EPHB2: variants seen among roughly 807,000 people sequenced by gnomAD.
EPHB2 encodes the protein EPH receptor B2.
EPHB2 carries 18 observed loss-of-function variants against 96.4 expected under a neutral mutation model. The ratio of observed to expected loss-of-function variants is 0.19; its 90% confidence interval spans 0.13 to 0.28. EPHB2 has a LOEUF of 0.28. Among genes scored for constraint, EPHB2 ranks in the 10% least tolerant of loss-of-function variants. EPHB2 has a pLI of 1.00. For synonymous variants in EPHB2, 506 were observed against 534.1 expected (o/e 0.95, Z 0.72); for missense variants, 989 against 1,355.4 (o/e 0.73, Z 4.25).
At chr1:22,713,152 T>C (rs1357330204) in intron 1 of EPHB2, among the ~76,000 whole-genome samples, 2 of 151,822 alleles carry the variant, frequency 1.3e-5, no homozygotes, top group African/African-American at 4.8e-5. Flanking sequence ...CACAGCAGGG[T>C]GGGAGGAGGG....
chr1:22,741,380 G>T (rs989237443), intron 1 of EPHB2, among the ~76,000 whole-genome samples: 1 of 151,856 alleles, frequency 6.6e-6, no homozygotes, highest in African/African-American at 2.4e-5. Context: ...CTCCCCTGAC[G>T]ACACCTGGCT....
chr1:22,738,256 T>C (rs1377852190), intron 1 of EPHB2, among the ~76,000 whole-genome samples: 1 of 152,236 alleles, frequency 6.6e-6, no homozygotes, highest in Non-Finnish European at 1.5e-5. Context: ...TTCTTGTTCC[T>C]TTGTATTCCT....
At chr1:22,769,127 T>C (rs1644345407) in intron 1 of EPHB2, among the ~76,000 whole-genome samples, 1 of 152,166 alleles carries the variant, frequency 6.6e-6, no homozygotes, top group Admixed American at 6.5e-5. Flanking sequence ...GCCCCAGCCA[T>C]GTCCATATCC....
intron 1 of EPHB2, among the ~76,000 whole-genome samples, chr1:22,751,785 TC>T (rs1226856881): frequency 6.6e-6 from 1 of 152,228 alleles, no homozygotes; most frequent in Non-Finnish European, 1.5e-5. Context: ...GGGAATGATG[TC>T]AGCTCCTTCT....
At chr1:22,884,917 C>T (rs1242998996) in intron 6 of EPHB2, among the ~76,000 whole-genome samples, 1 of 152,162 alleles carries the variant, frequency 6.6e-6, no homozygotes, top group Non-Finnish European at 1.5e-5. Context: ...TATTTACTAC[C>T]TCTACATTGA....
intron 3 of EPHB2, among the ~76,000 whole-genome samples, chr1:22,796,148 T>G (rs1174537226): frequency 6.6e-6 from 1 of 152,174 alleles, no homozygotes; most frequent in African/African-American, 2.4e-5. Context: ...AGCTGCTCTT[T>G]TGGACCCCAC....
chr1:22,906,244 G>C lies in EPHB2; in HGVS notation c.1888+135G>C. ...GGACCCCCCAAGGCCTGAAGGTTCAGAATGACCATGAAAGAAGGGCCCTCA... is the reference window on the plus strand; with the variant it reads ...GGACCCCCCAAGGCCTGAAGGTTCACAATGACCATGAAAGAAGGGCCCTCA... On this transcript the variant is annotated intron_variant, in intron 10 of 15. Coordinates refer to ENST00000374630, the MANE Select transcript of EPHB2 (RefSeq NM_017449.5). The surrounding 1 kb of genome is among the most constrained non-coding windows in gnomAD (Gnocchi z 4.8). 1 of 1,381,364 alleles carries C rather than the reference G, an allele frequency of 7.2e-7. No individual in the cohort carries two copies. Among genetic ancestry groups the C allele is most frequent in the Non-Finnish European group, 1.0e-6 (1 of 1,003,340 alleles). 85.6% of individuals were successfully genotyped at this position (1,381,364 alleles called of 1,614,324 possible). A position where few individuals can be genotyped will look rare whatever the true frequency, so the allele number is the denominator to read the frequency against.
At chr1:22,815,599 A>C (rs1645064506) in intron 3 of EPHB2, among the ~76,000 whole-genome samples, 1 of 152,254 alleles carries the variant, frequency 6.6e-6, no homozygotes, top group Non-Finnish European at 1.5e-5. Context: ...CTTGGCTCTC[A>C]ATTTTGGTCC....
chr1:22,718,544 G>A (rs925754124), intron 1 of EPHB2, among the ~76,000 whole-genome samples: 7 of 151,858 alleles, frequency 4.6e-5, no homozygotes, highest in Non-Finnish European at 1.0e-4. Flanking sequence ...CTGCCACCAT[G>A]CCCGGCTAAT....
chr1:22,714,932 G>A (rs1340599456), intron 1 of EPHB2, among the ~76,000 whole-genome samples: 1 of 152,126 alleles, frequency 6.6e-6, no homozygotes, highest in Non-Finnish European at 1.5e-5. Context: ...CTGCTTTGTT[G>A]TGCTTCATGA....
chr1:22,749,053 C>T (rs1406181804), intron 1 of EPHB2, among the ~76,000 whole-genome samples: 1 of 150,206 alleles, frequency 6.7e-6, no homozygotes, highest in African/African-American at 2.5e-5. Flanking sequence ...TGGAGTTTCA[C>T]TCTGTTGCCC....
intron 3 of EPHB2, among the ~76,000 whole-genome samples, chr1:22,823,733 G>A (rs1309414089): frequency 6.6e-6 from 1 of 152,226 alleles, no homozygotes; most frequent in Admixed American, 6.5e-5. Flanking sequence ...TCTATAAAAT[G>A]GGAACAAAAG....
chr1:22,896,708 T>C (rs1297891243), intron 9 of EPHB2, among the ~76,000 whole-genome samples: 1 of 152,092 alleles, frequency 6.6e-6, no homozygotes, highest in East Asian at 1.9e-4. Context: ...TACTCATCCC[T>C]CAGGCCTCAC....
chr1:22,753,238 C>T (rs1458308463), intron 1 of EPHB2, among the ~76,000 whole-genome samples: 1 of 152,196 alleles, frequency 6.6e-6, no homozygotes, highest in Non-Finnish European at 1.5e-5. Flanking sequence ...CTGTGTGACC[C>T]TGGGCAAGTT....
At chr1:22,853,090 C>G (rs1645647094) in intron 3 of EPHB2, among the ~76,000 whole-genome samples, 1 of 152,222 alleles carries the variant, frequency 6.6e-6, no homozygotes, top group South Asian at 2.1e-4. Context: ...GTGGCTCATG[C>G]CTGTAATCCC....
chr1:22,764,651 C>T (rs1644281736), intron 1 of EPHB2, among the ~76,000 whole-genome samples: 1 of 151,846 alleles, frequency 6.6e-6, no homozygotes, highest in African/African-American at 2.4e-5. Context: ...GAGGCTGAGG[C>T]AGGAGAATCT....
intron 5 of EPHB2, among the ~76,000 whole-genome samples, chr1:22,868,848 C>A (rs1383456192): frequency 6.6e-6 from 1 of 152,164 alleles, no homozygotes; most frequent in Non-Finnish European, 1.5e-5. Flanking sequence ...AAAATCACTT[C>A]CTCTGAGGCC....
At chr1:22,794,888 G>T (rs1644745325) in intron 3 of EPHB2, among the ~76,000 whole-genome samples, 1 of 152,198 alleles carries the variant, frequency 6.6e-6, no homozygotes, top group Non-Finnish European at 1.5e-5. Context: ...TTTTCATCTG[G>T]CTGGGCTTTA....
chr1:22,818,250 C>T (rs1311839122), intron 3 of EPHB2, among the ~76,000 whole-genome samples: 1 of 152,122 alleles, frequency 6.6e-6, no homozygotes, highest in African/African-American at 2.4e-5. Context: ...CCAGTCCCAC[C>T]CCGAGTCATC....
Sources: allele counts gnomAD v4.1 joint callset (sites outside exome capture counted in the v4.1 genomes callset), GRCh38; gene constraint gnomAD v4.1.1; non-coding constraint Gnocchi (gnomAD v3.1); transcripts MANE v1.5; gene names NCBI Gene and HGNC (gene_info 2026-07-23, HGNC 2026-07-21).